The following CARMIL1 variants were observed in gnomAD, a reference collection of about 807,000 sequenced individuals.
CARMIL1 encodes the protein capping protein regulator and myosin 1 linker 1.
In CARMIL1, 90 loss-of-function variants were observed where a neutral mutation model predicts 177.1. That is an observed-to-expected ratio of 0.51 (90% confidence interval 0.43 to 0.61). The LOEUF (loss-of-function observed/expected upper bound fraction) is 0.61, where lower values mean the gene tolerates loss of function less well. Among genes scored for constraint, CARMIL1 ranks in the 20% least tolerant of loss-of-function variants. The pLI is 0.00. For missense variants in CARMIL1, 1,380 were observed against 1,667.0 expected, an observed-to-expected ratio of 0.83 and a Z score of 3.00; for synonymous variants, 577 against 606.2, an observed-to-expected ratio of 0.95 and a Z score of 0.71.
At chr6:25,345,291 C>G (rs1787391317) in intron 2 of CARMIL1, among the ~76,000 whole-genome samples, 1 of 152,194 alleles carries the variant, frequency 6.6e-6, no homozygotes, top group African/African-American at 2.4e-5. Context: ...TGGTCTTTCT[C>G]AGTCTCCTTT....
At chr6:25,533,976 T>G (rs138893832) in intron 24 of CARMIL1, among the ~76,000 whole-genome samples, 22 of 152,310 alleles carry the variant, frequency 1.4e-4, no homozygotes, top group Non-Finnish European at 2.9e-4. Context: ...GTTGAACCTT[T>G]GGAGTCATCT....
At chr6:25,427,038 C>T (rs1176130055) in intron 4 of CARMIL1, among the ~76,000 whole-genome samples, 1 of 152,104 alleles carries the variant, frequency 6.6e-6, no homozygotes, top group African/African-American at 2.4e-5. Context: ...GCCCTCTTCC[C>T]CACCTGCAGT....
chr6:25,526,045 A>C (rs980228514), intron 23 of CARMIL1, among the ~76,000 whole-genome samples: 5 of 151,848 alleles, frequency 3.3e-5, no homozygotes, highest in East Asian at 3.9e-4. Flanking sequence ...CGTGGTGGTT[A>C]ATGCCTGTAA....
At chr6:25,415,413 G>A (rs1041445979) in intron 2 of CARMIL1, among the ~76,000 whole-genome samples, 2 of 152,092 alleles carry the variant, frequency 1.3e-5, no homozygotes, top group African/African-American at 4.8e-5. Context: ...TCTGGAAAGG[G>A]CAAGTCAAGA....
intron 2 of CARMIL1, among the ~76,000 whole-genome samples, chr6:25,352,235 G>A (rs1338688984): frequency 6.6e-6 from 1 of 151,720 alleles, no homozygotes; most frequent in Non-Finnish European, 1.5e-5. Flanking sequence ...GAGGATGGGA[G>A]CAGTCACAAA....
intron 16 of CARMIL1, 74 bp from the exon 17 acceptor site, chr6:25,500,092 T>G: frequency 7.7e-7 from 1 of 1,304,072 alleles, no homozygotes; most frequent in Non-Finnish European, 1.1e-6. Context: ...CTAGGCTTTA[T>G]TCAGTGTGCT....
intron 36 of CARMIL1, among the ~76,000 whole-genome samples, chr6:25,610,874 C>A (rs572297166): frequency 1.2e-4 from 18 of 152,186 alleles, no homozygotes; most frequent in Non-Finnish European, 2.1e-4. Context: ...GTGTGATTGA[C>A]TTTGGGGTTC....
intron 11 of CARMIL1, among the ~76,000 whole-genome samples, chr6:25,479,997 G>A (rs1468241179): frequency 3.3e-5 from 5 of 151,950 alleles, no homozygotes; most frequent in African/African-American, 1.2e-4. Context: ...CTGCAGTAGT[G>A]GTAACAGAGA....
intron 2 of CARMIL1, among the ~76,000 whole-genome samples, chr6:25,319,606 C>T (rs997415504): frequency 2.0e-5 from 3 of 152,020 alleles, no homozygotes; most frequent in Admixed American, 6.6e-5. Flanking sequence ...ATGAAAGGTA[C>T]ATACACATTT....
chr6:25,320,569 A>G (rs555208019), intron 2 of CARMIL1, among the ~76,000 whole-genome samples: 1 of 152,300 alleles, frequency 6.6e-6, no homozygotes, highest in Admixed American at 6.5e-5. Flanking sequence ...CCCCTAACAA[A>G]TGGTGTGGTT....
chr6:25,566,803 T>C (rs936107162), intron 29 of CARMIL1, among the ~76,000 whole-genome samples: 9 of 152,276 alleles, frequency 5.9e-5, no homozygotes, highest in Admixed American at 1.3e-4. Flanking sequence ...TTACATGTTA[T>C]TGATTTCTAT....
At chr6:25,618,672 AG>A (rs1464643445) in intron 36 of CARMIL1, among the ~76,000 whole-genome samples, 1 of 152,184 alleles carries the variant, frequency 6.6e-6, no homozygotes, top group East Asian at 1.9e-4. Context: ...TAAAACAGAG[AG>A]TGCCTAACAC....
intron 32 of CARMIL1, among the ~76,000 whole-genome samples, chr6:25,598,385 TG>T (rs990917875): frequency 3.6e-4 from 55 of 151,982 alleles, no homozygotes; most frequent in African/African-American, 1.3e-3. Flanking sequence ...ACTACAGGCA[TG>T]GACCACCCCT....
chr6:25,604,935 T>G, intron 34 of CARMIL1, 42 bp downstream of exon 34: 6 of 1,449,206 alleles, frequency 4.1e-6, no homozygotes, highest in Non-Finnish European at 4.7e-6. Flanking sequence ...GAAAAGCGCT[T>G]ACCTTCTGAT....
intron 2 of CARMIL1, among the ~76,000 whole-genome samples, chr6:25,346,381 T>C (rs1787516188): frequency 6.6e-6 from 1 of 152,202 alleles, no homozygotes; most frequent in African/African-American, 2.4e-5. Flanking sequence ...CTGTCCTTTA[T>C]CCATGTCCTC....
chr6:25,380,531 G>C (rs1791420047), intron 2 of CARMIL1, among the ~76,000 whole-genome samples: 2 of 152,002 alleles, frequency 1.3e-5, no homozygotes, highest in Admixed American at 6.6e-5. Flanking sequence ...GAAGGTAAAT[G>C]GAAAATTACA....
chr6:25,284,985 C>A, intron 2 of CARMIL1, 76 bp downstream of exon 2: 1 of 874,242 alleles, frequency 1.1e-6, no homozygotes, highest in Non-Finnish European at 1.8e-6. Flanking sequence ...GCTTAATTTT[C>A]ATGCAGCATT....
At chr6:25,514,089 T>G (rs936009549) in intron 20 of CARMIL1, among the ~76,000 whole-genome samples, 2 of 152,180 alleles carry the variant, frequency 1.3e-5, no homozygotes, top group African/African-American at 4.8e-5. Context: ...TGGGTGTAAG[T>G]AGGAAGCTCT....
chr6:25,296,555 G>A (rs546691411), intron 2 of CARMIL1, among the ~76,000 whole-genome samples: 1 of 152,308 alleles, frequency 6.6e-6, no homozygotes, highest in Non-Finnish European at 1.5e-5. Context: ...GCCCAGATGC[G>A]GGGAAGTGAC....
Sources: allele counts gnomAD v4.1 joint callset (sites outside exome capture counted in the v4.1 genomes callset), GRCh38; gene constraint gnomAD v4.1.1; transcripts MANE v1.5; gene names NCBI Gene and HGNC (gene_info 2026-07-23, HGNC 2026-07-21).